Variants in BDP1 observed in about 807,000 individuals in gnomAD.
BDP1 encodes the protein BDP1 general transcription factor IIIB subunit, also known as transcription factor TFIIIB component B'' homolog.
A neutral mutation model predicts 266.6 loss-of-function variants in BDP1; 169 were observed. The observed-to-expected ratio is 0.63, with a 90% CI of 0.56 to 0.72. The LOEUF is 0.72. Among genes scored for constraint, BDP1 ranks in the 30% least tolerant of loss-of-function variants. BDP1 has a pLI of 0.00. For synonymous variants in BDP1, 1,090 were observed against 1,022.4 expected, an observed-to-expected ratio of 1.07 and a Z score of -1.26; for missense variants, 3,015 against 3,053.8, an observed-to-expected ratio of 0.99 and a Z score of 0.30.
In BDP1 at chr5:71,458,605, A is replaced by G. The variant is rs772961934; in HGVS notation, c.239A>G (p.Asp80Gly). Residue 80 changes from aspartate to glycine, a missense_variant, in exon 2 of 39, where the codon GAT becomes GGT. By Grantham distance (94) the Asp-to-Gly change is moderately conservative (BLOSUM62 -1). This residue lies in a region of BDP1 where 2,383 missense variants were observed against 2,404.9 expected (regional missense o/e 0.99). Coordinates refer to ENST00000358731, the MANE Select transcript of BDP1 (RefSeq NM_018429.3). ...SSTEKTGGDN[D>G]VEESSRSSST... ...ACTGAAAAGACTGGTGGTGACAATGATGTTGAAGAATCCAGTAGATCTTCC... is the reference window on the plus strand; with the variant it reads ...ACTGAAAAGACTGGTGGTGACAATGGTGTTGAAGAATCCAGTAGATCTTCC... 8 of 1,612,952 alleles carry G rather than the reference A, an allele frequency of 5.0e-6. No homozygotes were observed. The South Asian group carries it at 6.6e-5, about 13-fold the overall frequency.
At chr5:71,562,892 A>G in intron 38 of BDP1, 1 of 1,287,734 alleles carries the variant, frequency 7.8e-7, no homozygotes, top group South Asian at 1.2e-5. Context: ...GAAGCTGTCC[A>G]ATGGCAAGTA....
At chr5:71,491,175 A>T (rs202034543) in intron 11 of BDP1, 44 bp downstream of exon 11, 1 of 1,574,852 alleles carries the variant, frequency 6.3e-7, no homozygotes, top group South Asian at 1.1e-5. Flanking sequence ...TCTGTTGATT[A>T]CTGAGAAAGG....
chr5:71,551,511 C>T (rs1580203665), intron 34 of BDP1, among the ~76,000 whole-genome samples: 2 of 152,370 alleles, frequency 1.3e-5, no homozygotes, highest in Non-Finnish European at 2.9e-5. Flanking sequence ...ATGTCTACTT[C>T]TTTCTACACA....
chr5:71,551,421 G>A (rs1742746882), intron 34 of BDP1, among the ~76,000 whole-genome samples: 3 of 152,208 alleles, frequency 2.0e-5, no homozygotes, highest in African/African-American at 4.8e-5. Context: ...AGAGCACAGG[G>A]TTGGGGGTAA....
chr5:71,515,122 G>T lies in BDP1; in HGVS notation c.4649G>T (p.Gly1550Val). ...VQKNDSVVSV[G>V]TNNVNTFQQE... ...AAAAATGACTCAGTTGTTTCTGTGG[G>T]GTAAACAGTGATTTTCTTTGACAAT... Residue 1550 changes from glycine (G) to valine (V), a missense_variant and splice_region_variant, in exon 20 of 39, where the codon GGG becomes GTG. Physicochemically the swap from Gly to Val is moderately radical, Grantham distance 109. Around this residue, in one of 3 missense-constraint regions of BDP1, gnomAD observed 2,383 missense variants for 2,404.9 expected, o/e 0.99. Coordinates refer to ENST00000358731, the MANE Select transcript of BDP1 (RefSeq NM_018429.3). 6.4e-7 allele frequency: 1 copy of T among 1,567,688 alleles called. No homozygotes were observed. The highest frequency in any genetic ancestry group is 8.6e-7 in the Non-Finnish European group (1 of 1,162,690).
At chr5:71,509,333 G>A (rs936159861) in intron 16 of BDP1, 132 bp from the exon 17 acceptor site, 12 of 963,056 alleles carry the variant, frequency 1.2e-5, no homozygotes, top group African/African-American at 6.8e-5. Flanking sequence ...TTTACCCAGC[G>A]ATTCCTAGGC....
rs1468175137 is a variant in BDP1 at position 71,566,348 on chromosome 5, CAG to C, written c.*1467_*1468del. The stretch of plus-strand genomic sequence containing the variant: ...CGGAACATAATCATGATGTTAAAAA[CAG>C]AGAAAATAAGGCTTTATAAAGTTAA... On this transcript the variant is annotated 3_prime_UTR_variant, in exon 39 of 39. Transcript: ENST00000358731. 1.3e-5 allele frequency: 2 copies of C among 152,292 alleles called. No homozygotes were observed. The highest frequency in any genetic ancestry group is 2.9e-5 in the Non-Finnish European group (2 of 68,042). The allele number at this position is 152,292 out of a possible 1,614,324, so 9.4% of individuals were successfully genotyped here.
At chr5:71,539,503 G>A in intron 27 of BDP1, 54 bp from the exon 28 acceptor site, 1 of 1,415,774 alleles carries the variant, frequency 7.1e-7, no homozygotes, top group East Asian at 2.3e-5. Context: ...TTTTTTAAGT[G>A]AACAGATTTC....
intron 3 of BDP1, 30 bp downstream of exon 3, chr5:71,461,956 C>CTA: frequency 3.0e-5 from 22 of 725,302 alleles, no homozygotes; most frequent in Non-Finnish European, 4.3e-5. Flanking sequence ...GCTTTACTAT[C>CTA]TCTTTTTTTT....
chr5:71,493,355 G>T (rs1763703781), intron 11 of BDP1, among the ~76,000 whole-genome samples: 5 of 152,110 alleles, frequency 3.3e-5, no homozygotes, highest in Admixed American at 1.3e-4. Flanking sequence ...GAACTCTTGG[G>T]CTCAAATGAT....
the BDP1 span, among the ~76,000 whole-genome samples, chr5:71,575,923 C>T: frequency 2.6e-5 from 4 of 152,182 alleles, no homozygotes; most frequent in African/African-American, 9.7e-5. Context: ...GTAAAGTAAG[C>T]TCTTGTTAAT....
At chr5:71,539,146 G>T in intron 27 of BDP1, 68 bp downstream of exon 27, 2 of 1,024,238 alleles carry the variant, frequency 2.0e-6, no homozygotes, top group Non-Finnish European at 1.5e-6. Flanking sequence ...TAATAGTGGG[G>T]ATAATAAATG....
In BDP1 at chr5:71,566,313, T is replaced by A. The variant is rs1262644050; in HGVS notation, c.*1428T>A. 6.6e-6 allele frequency: 1 copy of A among 152,580 alleles called. No homozygotes were observed. The highest frequency in any genetic ancestry group is 2.4e-5 in the African/African-American group (1 of 41,458). The allele number at this position is 152,580 out of a possible 1,614,324, so 9.5% of individuals were successfully genotyped here. ...ATTAAATTCTCAAGGAACACTTGGA[T>A]CTTTAAGCACGGAACATAATCATGA... On this transcript the variant is annotated 3_prime_UTR_variant, in exon 39 of 39. Transcript: ENST00000358731.
chr5:71,502,417 G>A (rs1011848697), intron 14 of BDP1, among the ~76,000 whole-genome samples, 182 bp from the exon 15 acceptor site: 13 of 151,888 alleles, frequency 8.6e-5, no homozygotes, highest in East Asian at 1.9e-4. Flanking sequence ...CAAATGATTC[G>A]CCCGCCTCGG....
chr5:71,516,393 C>T, intron 21 of BDP1, 122 bp downstream of exon 21: 15 of 681,374 alleles, frequency 2.2e-5, no homozygotes, highest in South Asian at 1.1e-4. Context: ...AATACAGTTT[C>T]CAGTTTTGTT....
chr5:71,547,534 CT>C (rs1158545687), intron 32 of BDP1, among the ~76,000 whole-genome samples: 1 of 152,164 alleles, frequency 6.6e-6, no homozygotes, highest in Non-Finnish European at 1.5e-5. Context: ...CTTTTCCATT[CT>C]GTATTAGTAA....
At chr5:71,489,307 A>G in intron 9 of BDP1, 97 bp from the exon 10 acceptor site, 1 of 819,090 alleles carries the variant, frequency 1.2e-6, no homozygotes, top group South Asian at 2.3e-5. Flanking sequence ...GTTCATACAA[A>G]TAAATAATAC....
chr5:71,573,242 G>GA, the BDP1 span, among the ~76,000 whole-genome samples: 2 of 48,426 alleles, frequency 4.1e-5, no homozygotes, highest in African/African-American at 6.2e-5. Flanking sequence ...AAAAAAAAAA[G>GA]AAAGAAAAGA....
chr5:71,563,166 C>T (rs1743800409), intron 38 of BDP1, among the ~76,000 whole-genome samples: 1 of 152,114 alleles, frequency 6.6e-6, no homozygotes, highest in African/African-American at 2.4e-5. Flanking sequence ...TGTTTTGAGA[C>T]AGAGTCTCAC....
Sources: allele counts gnomAD v4.1 joint callset (sites outside exome capture counted in the v4.1 genomes callset), GRCh38; gene constraint gnomAD v4.1.1; regional missense constraint gnomAD v4.1.1; transcripts MANE v1.5; gene names NCBI Gene and HGNC (gene_info 2026-07-23, HGNC 2026-07-21).